Variants in RBFOX1 observed in about 807,000 individuals in gnomAD.
The protein encoded by RBFOX1 is RNA binding protein fox-1 homolog 1.
A neutral mutation model predicts 57.7 loss-of-function variants in RBFOX1; 8 were observed. That is an observed-to-expected ratio of 0.14 (90% CI 0.08 to 0.25). The LOEUF is 0.25. RBFOX1 is among the 10% of genes least tolerant of loss of function. RBFOX1 has a pLI of 1.00. For missense variants in RBFOX1, 611 were observed against 548.5 expected (o/e 1.11, Z -1.14); for synonymous variants, 326 against 222.4 (o/e 1.47, Z -4.15).
At chr16:7,003,229 G>A (rs187123985) in intron 3 of RBFOX1, among the ~76,000 whole-genome samples, 36 of 152,080 alleles carry the variant, frequency 2.4e-4, no homozygotes, top group Middle Eastern at 3.2e-3. Context: ...GGGAGGCCGA[G>A]GTGGGTGGAT....
chr16:5,240,668 C>G (rs989691692), intron 1 of RBFOX1, among the ~76,000 whole-genome samples: 5 of 152,176 alleles, frequency 3.3e-5, no homozygotes, highest in Admixed American at 6.5e-5. Context: ...AGAAATCGCT[C>G]TCCTCTTTCC....
chr16:5,336,623 C>T (rs1393440899), intron 1 of RBFOX1, among the ~76,000 whole-genome samples: 1 of 152,190 alleles, frequency 6.6e-6, no homozygotes, highest in Non-Finnish European at 1.5e-5. Flanking sequence ...GTCTCTGAAG[C>T]AGGGTGTGCT....
At chr16:6,963,477 C>T (rs768721467) in intron 3 of RBFOX1, among the ~76,000 whole-genome samples, 3 of 152,056 alleles carry the variant, frequency 2.0e-5, no homozygotes, top group Non-Finnish European at 4.4e-5. Context: ...AACCACTGGT[C>T]AGTAATGAGA....
intron 4 of RBFOX1, among the ~76,000 whole-genome samples, chr16:5,936,435 A>G (rs549807994): frequency 6.6e-6 from 1 of 152,254 alleles, no homozygotes; most frequent in African/African-American, 2.4e-5. Flanking sequence ...TTAGGGAGGA[A>G]TTTTGTTTGG....
chr16:5,297,373 C>A (rs1035410248), intron 1 of RBFOX1, among the ~76,000 whole-genome samples: 1 of 152,178 alleles, frequency 6.6e-6, no homozygotes, highest in Non-Finnish European at 1.5e-5. Context: ...AGACAGTATG[C>A]AAGCATTCTC....
At chr16:5,749,739 A>C (rs2151615487) in intron 3 of RBFOX1, among the ~76,000 whole-genome samples, 1 of 152,222 alleles carries the variant, frequency 6.6e-6, no homozygotes, top group East Asian at 1.9e-4. Context: ...GGACTTCTCT[A>C]CACTGGTTAT....
At chr16:7,545,322 G>GA (rs980985525) in intron 5 of RBFOX1, among the ~76,000 whole-genome samples, 1 of 151,878 alleles carries the variant, frequency 6.6e-6, no homozygotes, top group African/African-American at 2.4e-5. Flanking sequence ...GGTCATGGGG[G>GA]TGGAGGTGGC....
At chr16:6,805,884 C>G (rs781631983) in intron 3 of RBFOX1, among the ~76,000 whole-genome samples, 10 of 152,214 alleles carry the variant, frequency 6.6e-5, no homozygotes, top group South Asian at 2.1e-4. Flanking sequence ...ACACGAATCA[C>G]TAGCCTTTAC....
intron 4 of RBFOX1, among the ~76,000 whole-genome samples, chr16:7,509,069 G>C (rs950308981): frequency 1.3e-5 from 2 of 152,204 alleles, no homozygotes; most frequent in Admixed American, 6.5e-5. Context: ...GCTGCCTTTG[G>C]CATTGATGTG....
At chr16:6,012,925 C>T (rs1015634305) in intron 4 of RBFOX1, among the ~76,000 whole-genome samples, 2 of 152,160 alleles carry the variant, frequency 1.3e-5, no homozygotes, top group African/African-American at 4.8e-5. Flanking sequence ...TTCTAGATCA[C>T]GTGACTGGGA....
chr16:6,414,168 C>T (rs2093555423), intron 2 of RBFOX1, among the ~76,000 whole-genome samples: 1 of 152,156 alleles, frequency 6.6e-6, no homozygotes, highest in Non-Finnish European at 1.5e-5. Flanking sequence ...GCTTTTTAAG[C>T]AGGGGAAGAT....
chr16:7,417,328 G>T (rs2098488444), intron 4 of RBFOX1, among the ~76,000 whole-genome samples: 2 of 141,066 alleles, frequency 1.4e-5, no homozygotes, highest in Admixed American at 7.7e-5. Context: ...AGGTGAGATT[G>T]TTCCACTGCA....
intron 5 of RBFOX1, among the ~76,000 whole-genome samples, chr16:7,560,671 G>C (rs1234277257): frequency 6.6e-6 from 1 of 152,068 alleles, no homozygotes; most frequent in East Asian, 1.9e-4. Context: ...GATTCAGAAA[G>C]GGCGAGTGAC....
At chr16:5,619,533 G>A (rs999244366) in intron 3 of RBFOX1, among the ~76,000 whole-genome samples, 2 of 152,116 alleles carry the variant, frequency 1.3e-5, no homozygotes, top group African/African-American at 4.8e-5. Flanking sequence ...CCTTTCACTC[G>A]AGAGAAATTG....
At chr16:5,800,376 G>A (rs916586922) in intron 3 of RBFOX1, among the ~76,000 whole-genome samples, 1 of 152,182 alleles carries the variant, frequency 6.6e-6, no homozygotes, top group African/African-American at 2.4e-5. Context: ...GCAAACCAGG[G>A]TGGGACATCC....
At chr16:6,260,797 C>G (rs2097697379) in intron 1 of RBFOX1, among the ~76,000 whole-genome samples, 2 of 152,028 alleles carry the variant, frequency 1.3e-5, no homozygotes, top group African/African-American at 4.8e-5. Context: ...AAGAGAATCG[C>G]TTGAACCTGG....
At chr16:7,305,729 C>T (rs886906449) in intron 4 of RBFOX1, among the ~76,000 whole-genome samples, 2 of 152,086 alleles carry the variant, frequency 1.3e-5, no homozygotes, top group Admixed American at 1.3e-4. Flanking sequence ...GAAAATATTT[C>T]TTAGGTGTAT....
intron 5 of RBFOX1, among the ~76,000 whole-genome samples, chr16:7,552,556 A>G (rs1322580277): frequency 6.6e-6 from 1 of 152,218 alleles, no homozygotes; most frequent in African/African-American, 2.4e-5. Context: ...ACTGAACCTC[A>G]ACTCAATTCT....
chr16:7,147,547 C>T (rs1440741276), intron 4 of RBFOX1, among the ~76,000 whole-genome samples: 1 of 152,126 alleles, frequency 6.6e-6, no homozygotes, highest in Non-Finnish European at 1.5e-5. Context: ...TTAGCTCCCA[C>T]TTACAAGTGA....
Sources: allele counts gnomAD v4.1 joint callset (sites outside exome capture counted in the v4.1 genomes callset), GRCh38; gene constraint gnomAD v4.1.1; transcripts MANE v1.5; gene names NCBI Gene and HGNC (gene_info 2026-07-23, HGNC 2026-07-21).